The following PCGF6 variants were observed in gnomAD, a reference collection of about 807,000 sequenced individuals.
The protein encoded by PCGF6 is polycomb group ring finger 6.
In PCGF6, 24 loss-of-function variants were observed where a neutral mutation model predicts 45.5. That is an observed-to-expected ratio of 0.53 (90% confidence interval 0.38 to 0.74). PCGF6 has a LOEUF of 0.74. PCGF6 is among the 30% of genes least tolerant of loss of function. PCGF6 has a pLI of 0.00. For missense variants in PCGF6, 356 were observed against 443.2 expected, an observed-to-expected ratio of 0.80 and a Z score of 1.77; for synonymous variants, 152 against 162.1, an observed-to-expected ratio of 0.94 and a Z score of 0.47.
At position 103,314,225 on chromosome 10, in the gene PCGF6, T is replaced by C; in HGVS notation, c.957A>G (p.Leu319=). ...CACCTATTGCACGTCGGATTTCCCT[T>C]AGAGTTTGATACTGCTCCAACAGGT... ...GDHLLEQYQT[L]REIRRAIGDA... Residue 319 remains leucine, a synonymous_variant, in exon 9 of 10, where the codon CTA becomes CTG. Coordinates refer to ENST00000369847, the MANE Select transcript of PCGF6 (RefSeq NM_001011663.2). 2 of 1,606,366 alleles carry C rather than the reference T, an allele frequency of 1.2e-6. No homozygotes were observed. The highest frequency in any genetic ancestry group is 2.2e-5 in the South Asian group (2 of 90,506).
chr10:103,339,646 T>G (rs559260919), intron 6 of PCGF6, among the ~76,000 whole-genome samples: 1 of 147,388 alleles, frequency 6.8e-6, no homozygotes, highest in South Asian at 2.2e-4. Context: ...AAAAATTAGC[T>G]GGGTGTGGAG....
chr10:103,326,693 A>G (rs2093220186), intron 7 of PCGF6, 61 bp from the exon 8 acceptor site: 1 of 1,187,672 alleles, frequency 8.4e-7, no homozygotes, highest in Non-Finnish European at 1.2e-6. Context: ...TGCATGACGT[A>G]TGTGTATATA....
In PCGF6 at chr10:103,332,337, T is replaced by C. The variant is rs541015566; in HGVS notation, c.810+1588A>G. Among the ~76,000 whole-genome samples the C allele has an allele frequency of 1.3e-3, 196 of 152,294 alleles. 1 individual carries two copies. Among genetic ancestry groups the C allele is most frequent in the African/African-American group, 4.3e-3 (177 of 41,574 alleles). ...CTCTGTCACCTAGGCTAGAGTGTAG[T>C]GACGCAATCACAGCTCACTGCAGCC... On this transcript the variant is annotated intron_variant, in intron 7 of 9. Coordinates refer to ENST00000369847, the MANE Select transcript of PCGF6 (RefSeq NM_001011663.2).
intron 6 of PCGF6, among the ~76,000 whole-genome samples, chr10:103,340,940 A>G (rs1242554025): frequency 6.6e-6 from 1 of 152,134 alleles, no homozygotes; most frequent in Non-Finnish European, 1.5e-5. Context: ...TTTTAAAAAT[A>G]TAATTCCTTA....
At chr10:103,325,225 A>T (rs1477073402) in intron 8 of PCGF6, among the ~76,000 whole-genome samples, 2 of 152,086 alleles carry the variant, frequency 1.3e-5, no homozygotes, top group Admixed American at 1.3e-4. Context: ...TCACTTCTCT[A>T]GGTGTCCTGA....
At chr10:103,310,487 T>G (rs1302885480) in intron 9 of PCGF6, among the ~76,000 whole-genome samples, 2 of 152,086 alleles carry the variant, frequency 1.3e-5, no homozygotes, top group South Asian at 4.1e-4. Context: ...AAATATATCA[T>G]ATGTACATTA....
chr10:103,333,122 A>T (rs1300139524), intron 7 of PCGF6, among the ~76,000 whole-genome samples: 1 of 151,552 alleles, frequency 6.6e-6, no homozygotes, highest in African/African-American at 2.4e-5. Context: ...CCATTTAAAA[A>T]AAAAAAAAAA....
chr10:103,324,500 T>C (rs969014866), intron 8 of PCGF6, among the ~76,000 whole-genome samples: 2 of 151,960 alleles, frequency 1.3e-5, no homozygotes, highest in Non-Finnish European at 2.9e-5. Flanking sequence ...GGCTTATGCC[T>C]GTAATCCCAG....
chr10:103,336,511 C>T (rs1165468641), intron 6 of PCGF6, among the ~76,000 whole-genome samples: 1 of 152,146 alleles, frequency 6.6e-6, no homozygotes, highest in Non-Finnish European at 1.5e-5. Flanking sequence ...GCATCAGCTT[C>T]TACCTGAATA....
At chr10:103,313,180 A>C (rs1036196806) in intron 9 of PCGF6, among the ~76,000 whole-genome samples, 1 of 152,226 alleles carries the variant, frequency 6.6e-6, no homozygotes, top group Non-Finnish European at 1.5e-5. Flanking sequence ...CTACTGTATA[A>C]GAAAAGCTAT....
intron 8 of PCGF6, among the ~76,000 whole-genome samples, chr10:103,324,263 A>C (rs1156435478): frequency 6.6e-6 from 1 of 151,850 alleles, no homozygotes; most frequent in Non-Finnish European, 1.5e-5. Flanking sequence ...TTTAGATAAA[A>C]AATTATTCTA....
Position 103,326,642 on chromosome 10 carries a change from C to G in PCGF6, c.811-10G>C. The G allele has an allele frequency of 1.2e-6, 2 of 1,602,736 alleles. No individual in the cohort carries two copies. Among genetic ancestry groups the G allele is most frequent in the Non-Finnish European group, 1.7e-6 (2 of 1,174,142 alleles). On this transcript the variant is annotated splice_polypyrimidine_tract_variant and intron_variant, in intron 7 of 9. Transcript: ENST00000369847. ...ACTTCTTTTCCAATGGCTACAAAAA[C>G]AGACAGATAAAACTATTTTTAGGTT... is the stretch of plus-strand genomic sequence containing the variant.
chr10:103,308,760 C>T (rs1453524090), intron 9 of PCGF6, among the ~76,000 whole-genome samples: 1 of 151,848 alleles, frequency 6.6e-6, no homozygotes, highest in Non-Finnish European at 1.5e-5. Context: ...GCAGTCCCAC[C>T]AAGCTGGGAG....
At chr10:103,342,754 C>T (rs2093285593) in intron 6 of PCGF6, among the ~76,000 whole-genome samples, 1 of 152,046 alleles carries the variant, frequency 6.6e-6, no homozygotes, top group Non-Finnish European at 1.5e-5. Context: ...ATGGGTATAC[C>T]ATTATTTAAC....
chr10:103,331,841 G>A (rs1189673836), intron 7 of PCGF6, among the ~76,000 whole-genome samples: 1 of 152,158 alleles, frequency 6.6e-6, no homozygotes, highest in Non-Finnish European at 1.5e-5. Flanking sequence ...CGCCCAGGCT[G>A]GAGTGCAGTG....
intron 7 of PCGF6, among the ~76,000 whole-genome samples, chr10:103,328,032 GA>G (rs1278242815): frequency 1.3e-5 from 2 of 152,044 alleles, no homozygotes; most frequent in African/African-American, 4.8e-5. Flanking sequence ...CATGTGGCTG[GA>G]ATGTGGGACC....
intron 3 of PCGF6, among the ~76,000 whole-genome samples, 155 bp from the exon 4 acceptor site, chr10:103,347,605 A>G (rs913463668): frequency 6.6e-6 from 1 of 152,164 alleles, no homozygotes; most frequent in African/African-American, 2.4e-5. Flanking sequence ...AATATAACTC[A>G]CTCAAGAAAA....
rs142799511 is a variant in PCGF6 at position 103,328,432 on chromosome 10, G to A, written c.811-1800C>T. Among the ~76,000 whole-genome samples the A allele has an allele frequency of 3.9e-4, 59 of 152,262 alleles. 1 individual carries two copies. The highest frequency in any genetic ancestry group is 6.5e-4 in the Admixed American group (10 of 15,268). On this transcript the variant is annotated intron_variant, in intron 7 of 9. Coordinates refer to ENST00000369847, the MANE Select transcript of PCGF6 (RefSeq NM_001011663.2). ...TGAGCAACTGATAAATGGTCTGCCCGTTATTACCACAGTACAGCATACAGA... is the reference window on the plus strand; with the variant it reads ...TGAGCAACTGATAAATGGTCTGCCCATTATTACCACAGTACAGCATACAGA...
At chr10:103,339,345 G>A (rs1038410601) in intron 6 of PCGF6, among the ~76,000 whole-genome samples, 10 of 152,208 alleles carry the variant, frequency 6.6e-5, no homozygotes, top group African/African-American at 1.9e-4. Flanking sequence ...ACCTGAGATC[G>A]CGCCACTGCA....
Sources: allele counts gnomAD v4.1 joint callset (sites outside exome capture counted in the v4.1 genomes callset), GRCh38; gene constraint gnomAD v4.1.1; transcripts MANE v1.5; gene names NCBI Gene and HGNC (gene_info 2026-07-23, HGNC 2026-07-21).